VPS53: variants seen among roughly 807,000 people sequenced by gnomAD.
The protein encoded by VPS53 is VPS53 subunit of GARP complex, also known as vacuolar protein sorting-associated protein 53 homolog.
In VPS53, 70 loss-of-function variants were observed where a neutral mutation model predicts 107.0. That is an observed-to-expected ratio of 0.65 (90% CI 0.54 to 0.80). VPS53 has a LOEUF of 0.80. Among genes scored for constraint, VPS53 ranks in the 30% least tolerant of loss-of-function variants. The pLI is 0.00. For missense variants in VPS53, 917 were observed against 1,049.4 expected (o/e 0.87, Z 1.74); for synonymous variants, 409 against 393.3 (o/e 1.04, Z -0.47).
At chr17:707,284 G>C (rs1304407200) in intron 2 of VPS53, among the ~76,000 whole-genome samples, 1 of 152,220 alleles carries the variant, frequency 6.6e-6, no homozygotes, top group Non-Finnish European at 1.5e-5. Flanking sequence ...CACTTTGGGA[G>C]GCCGAGGCGG....
At chr17:639,695 G>A (rs1970345719) in intron 7 of VPS53, among the ~76,000 whole-genome samples, 1 of 152,210 alleles carries the variant, frequency 6.6e-6, no homozygotes, top group Non-Finnish European at 1.5e-5. Context: ...GATGCTGTTT[G>A]CCTGGGTATC....
At chr17:676,603 C>T (rs999508022) in intron 4 of VPS53, among the ~76,000 whole-genome samples, 23 of 152,168 alleles carry the variant, frequency 1.5e-4, no homozygotes, top group African/African-American at 5.3e-4. Flanking sequence ...TACGCTTGAC[C>T]TTCTTTCTTG....
rs1158165816 is a variant in VPS53, at chr17:510,627, T to G, written c.*8501A>C. ...AAACGGAGCTTAACTTAGCAGGAAT[T>G]TCATCCGATGAGATAATGTATCCAG... is the stretch of plus-strand genomic sequence containing the variant. On this transcript the variant is annotated 3_prime_UTR_variant, in exon 22 of 22. Coordinates refer to ENST00000437048, the MANE Select transcript of VPS53 (RefSeq NM_001128159.3). The G allele has an allele frequency of 6.5e-6, 1 of 153,792 alleles. No individual in the cohort carries two copies. Among genetic ancestry groups the G allele is most frequent in the African/African-American group, 2.4e-5 (1 of 41,462 alleles). 9.5% of individuals were successfully genotyped at this position (153,792 alleles called of 1,614,324 possible). A position where few individuals can be genotyped will look rare whatever the true frequency, so the allele number is the denominator to read the frequency against.
intron 7 of VPS53, among the ~76,000 whole-genome samples, chr17:652,974 T>C (rs374714667): frequency 7.0e-4 from 107 of 152,272 alleles, no homozygotes; most frequent in Non-Finnish European, 1.0e-3. Context: ...CTGAGCTAAG[T>C]GCTTAAGCAC....
intron 11 of VPS53, among the ~76,000 whole-genome samples, chr17:609,840 G>T (rs996681447): frequency 1.3e-5 from 2 of 152,108 alleles, no homozygotes; most frequent in African/African-American, 4.8e-5. Flanking sequence ...TATAAAATTA[G>T]TAGACAAGGC....
intron 1 of VPS53, among the ~76,000 whole-genome samples, chr17:711,967 C>T (rs1038527706): frequency 8.5e-5 from 13 of 152,074 alleles, no homozygotes; most frequent in Non-Finnish European, 1.9e-4. Context: ...CAGGCGCTCG[C>T]CACCATACCC....
chr17:654,598 T>G (rs113070327), intron 6 of VPS53, among the ~76,000 whole-genome samples: 5,479 of 150,560 alleles, frequency 0.036, 133 homozygotes, highest in African/African-American at 0.069. Context: ...TTAACCGGGC[T>G]TAGTGGCGGG....
intron 18 of VPS53, among the ~76,000 whole-genome samples, chr17:534,909 C>A (rs1211124665): frequency 1.4e-5 from 2 of 143,724 alleles, no homozygotes; most frequent in African/African-American, 2.5e-5. Context: ...CAGAGTGGGA[C>A]CCTGTATCAA....
In VPS53 at chr17:623,673, C is replaced by G; in HGVS notation, c.976G>C (p.Ala326Pro). Residue 326 changes from alanine to proline, a missense_variant and splice_region_variant, in exon 11 of 22, where the codon GCA becomes CCA. Coordinates refer to ENST00000437048, the MANE Select transcript of VPS53 (RefSeq NM_001128159.3). ...IAVEFCHVTR[A>P]ELAKIMRTRA... is the part of the protein sequence containing the mutation. ...GTACGCATAATCTTGGCAAGTTCTG[C>G]CCTTCAAAACAAAGAGATAAGAATA... The G allele has an allele frequency of 6.2e-7, 1 of 1,608,792 alleles. No homozygotes were observed. Among genetic ancestry groups the G allele is most frequent in the Non-Finnish European group, 8.5e-7 (1 of 1,176,118 alleles).
intron 11 of VPS53, chr17:615,922 C>T (rs1027589114): frequency 4.6e-5 from 7 of 152,340 alleles, no homozygotes; most frequent in African/African-American, 1.7e-4. Context: ...ATGAATTCAC[C>T]AAGGTCCCTG....
intron 2 of VPS53, among the ~76,000 whole-genome samples, chr17:704,875 C>T (rs917025015): frequency 3.3e-5 from 5 of 152,294 alleles, no homozygotes; most frequent in Admixed American, 2.0e-4. Context: ...TCAGCAATTA[C>T]TATCTTTATC....
intron 2 of VPS53, among the ~76,000 whole-genome samples, chr17:703,158 G>A (rs536124327): frequency 2.2e-4 from 33 of 151,696 alleles, no homozygotes; most frequent in South Asian, 6.3e-4. Flanking sequence ...GCAGCGAGCC[G>A]AGATCACACC....
rs966795252 is a variant in VPS53 at position 614,392 on chromosome 17, T to C, written c.1116+9141A>G. 2.8e-4 allele frequency among the ~76,000 whole-genome samples: 43 copies of C among 152,212 alleles called. 1 individual carries two copies. The highest frequency in any genetic ancestry group is 1.6e-3 in the Admixed American group (24 of 15,284). ...CCCAAATCCTCATCTCTGATTTGGA[T>C]GACTTTTTTCCTGCTTCTCTATTCT... On this transcript the variant is annotated intron_variant, in intron 11 of 21. Transcript: ENST00000437048.
chr17:664,254 A>AT (rs1327158196), intron 4 of VPS53, among the ~76,000 whole-genome samples: 1 of 151,932 alleles, frequency 6.6e-6, no homozygotes, highest in Non-Finnish European at 1.5e-5. Flanking sequence ...AATTTTTTGT[A>AT]TTTTTAGTAG....
rs56344843 is a variant in VPS53 at position 624,995 on chromosome 17, C to CTTT, written c.975-1324_975-1322dup. On this transcript the variant is annotated intron_variant, in intron 10 of 21. Transcript: ENST00000437048. ...TTCCTTCTCTGTCTTTCTCTCTCTT[C>CTTT]TTTTTTTTTTTTTGAGACAGGGTCT... 1.8e-3 allele frequency among the ~76,000 whole-genome samples: 200 copies of CTTT among 109,040 alleles called. 5 individuals carry two copies. In the East Asian group the frequency reaches 0.044, roughly 24 times the overall value. The allele number at this position is 109,040 out of a possible 152,430, so 71.5% of individuals were successfully genotyped here.
At chr17:614,432 A>T (rs538489365) in intron 11 of VPS53, among the ~76,000 whole-genome samples, 16 of 152,258 alleles carry the variant, frequency 1.1e-4, no homozygotes, top group Admixed American at 2.0e-4. Context: ...ATAATTTCCA[A>T]ATTTTCTATC....
chr17:709,159 G>A (rs1387418335), intron 2 of VPS53, among the ~76,000 whole-genome samples: 2 of 148,644 alleles, frequency 1.3e-5, no homozygotes, highest in Non-Finnish European at 3.0e-5. Flanking sequence ...GCTCTGTCAC[G>A]GAACCTGCCT....
intron 4 of VPS53, among the ~76,000 whole-genome samples, chr17:668,093 T>G (rs978994492): frequency 1.3e-5 from 2 of 152,148 alleles, no homozygotes; most frequent in Admixed American, 1.3e-4. Context: ...GTATTAGCCC[T>G]TTAGCAGGGT....
intron 2 of VPS53, among the ~76,000 whole-genome samples, chr17:707,287 C>T (rs1388068997): frequency 2.6e-5 from 4 of 152,020 alleles, no homozygotes; most frequent in Non-Finnish European, 4.4e-5. Flanking sequence ...TTTGGGAGGC[C>T]GAGGCGGGCG....
Sources: gnomAD v4.1 joint callset for allele counts (sites outside exome capture counted in the v4.1 genomes callset) on GRCh38, gnomAD v4.1.1 for gene constraint, MANE v1.5 for transcripts, NCBI Gene and HGNC (gene_info 2026-07-23, HGNC 2026-07-21) for gene names.